CACNA2D3: variants seen among roughly 807,000 people sequenced by gnomAD.
CACNA2D3 encodes voltage-dependent calcium channel subunit alpha-2/delta-3.
Under a neutral mutation model 160.6 loss-of-function variants are expected in CACNA2D3, and 60 were observed. The observed-to-expected ratio is 0.37, with a 90% confidence interval of 0.30 to 0.46. The LOEUF is 0.46. CACNA2D3 is among the 20% of genes least tolerant of loss of function. The pLI is 1.00. For synonymous variants in CACNA2D3, 558 were observed against 492.9 expected, an observed-to-expected ratio of 1.13 and a Z score of -1.75; for missense variants, 1,205 against 1,365.0, an observed-to-expected ratio of 0.88 and a Z score of 1.85.
chr3:54,337,697 A>G (rs1348647074), intron 3 of CACNA2D3, among the ~76,000 whole-genome samples: 2 of 151,912 alleles, frequency 1.3e-5, no homozygotes, highest in African/African-American at 4.8e-5. Context: ...TCTTTCCGCC[A>G]TTCCCTCCTC....
intron 27 of CACNA2D3, among the ~76,000 whole-genome samples, chr3:54,950,145 G>T (rs1701721663): frequency 6.6e-6 from 1 of 152,244 alleles, no homozygotes; most frequent in Non-Finnish European, 1.5e-5. Context: ...TAAGTGAAAA[G>T]TAGGGAACTG....
chr3:54,524,618 T>G (rs769549639), intron 5 of CACNA2D3, among the ~76,000 whole-genome samples: 2 of 152,128 alleles, frequency 1.3e-5, no homozygotes, highest in Non-Finnish European at 1.5e-5. Context: ...AATTGTCTAT[T>G]TCTTTTTTCA....
chr3:54,455,252 A>G (rs1200774542), intron 4 of CACNA2D3, among the ~76,000 whole-genome samples: 2 of 151,764 alleles, frequency 1.3e-5, no homozygotes, highest in Non-Finnish European at 2.9e-5. Flanking sequence ...CTCCTCACCA[A>G]CATTTGCTTT....
chr3:54,404,224 A>G (rs1355200704), intron 4 of CACNA2D3, among the ~76,000 whole-genome samples: 1 of 152,208 alleles, frequency 6.6e-6, no homozygotes. Context: ...TCTCTGATGA[A>G]TATTGATGTA....
At chr3:55,015,441 C>A (rs1703308042) in intron 34 of CACNA2D3, among the ~76,000 whole-genome samples, 1 of 152,316 alleles carries the variant, frequency 6.6e-6, no homozygotes, top group African/African-American at 2.4e-5. Flanking sequence ...TTAAGCAGGA[C>A]AGCATCTGGA....
chr3:54,993,387 T>TTAC (rs1702784233), intron 31 of CACNA2D3, among the ~76,000 whole-genome samples: 2 of 152,186 alleles, frequency 1.3e-5, no homozygotes, highest in Admixed American at 6.5e-5. Flanking sequence ...CTTCCCCTTG[T>TTAC]AAGTAATGTA....
At chr3:54,416,013 A>T (rs530774980) in intron 4 of CACNA2D3, among the ~76,000 whole-genome samples, 1 of 152,262 alleles carries the variant, frequency 6.6e-6, no homozygotes, top group African/African-American at 2.4e-5. Context: ...CGTGAAACCC[A>T]AAAAAACCCC....
intron 13 of CACNA2D3, among the ~76,000 whole-genome samples, chr3:54,770,093 C>T (rs913244349): frequency 7.2e-5 from 11 of 152,264 alleles, no homozygotes; most frequent in East Asian, 1.9e-4. Flanking sequence ...TACTTGCTGC[C>T]GACACTTGCG....
intron 8 of CACNA2D3, 101 bp downstream of exon 8, chr3:54,570,205 A>C: frequency 1.7e-6 from 2 of 1,188,240 alleles, no homozygotes. Flanking sequence ...GAGCATCTAG[A>C]TGCCAGAACA....
intron 2 of CACNA2D3, among the ~76,000 whole-genome samples, chr3:54,283,586 G>A (rs571888120): frequency 4.3e-4 from 66 of 152,320 alleles, no homozygotes; most frequent in South Asian, 1.2e-3. Flanking sequence ...TTTCATTGTA[G>A]TGTGATATTC....
rs376259924 is a variant in CACNA2D3, at chr3:54,901,681, A to G, written c.2449+1813A>G. Among the ~76,000 whole-genome samples, 18 of 152,302 alleles carry G rather than the reference A, an allele frequency of 1.2e-4. 1 individual carries two copies. In the East Asian group the frequency reaches 1.5e-3, roughly 13 times the overall value. On this transcript the variant is annotated intron_variant, in intron 27 of 37. Coordinates refer to ENST00000474759, the MANE Select transcript of CACNA2D3 (RefSeq NM_018398.3). Reference sequence around the variant, plus strand: ...AATTACAGAGCAAGGCCAAGAAGCAAGGTCATTTAAAGAACCGTATTTAGT... The same window carrying G: ...AATTACAGAGCAAGGCCAAGAAGCAGGGTCATTTAAAGAACCGTATTTAGT...
At chr3:54,743,678 C>T (rs550518657) in intron 11 of CACNA2D3, among the ~76,000 whole-genome samples, 6 of 152,300 alleles carry the variant, frequency 3.9e-5, no homozygotes, top group African/African-American at 1.4e-4. Context: ...GTTAGTTTGA[C>T]TTTTTGTTCA....
chr3:54,589,885 A>G (rs1380775408), intron 9 of CACNA2D3, among the ~76,000 whole-genome samples: 1 of 152,228 alleles, frequency 6.6e-6, no homozygotes, highest in Non-Finnish European at 1.5e-5. Context: ...TAGAATAAAA[A>G]ATAAAAAGAA....
At chr3:54,384,131 CT>C (rs1209718724) in intron 3 of CACNA2D3, among the ~76,000 whole-genome samples, 1 of 151,922 alleles carries the variant, frequency 6.6e-6, no homozygotes, top group Non-Finnish European at 1.5e-5. Flanking sequence ...CAATTCTTTA[CT>C]TTTTTTCAGT....
chr3:55,073,921 T>TGGTCAA (rs1704880990), intron 37 of CACNA2D3, 62 bp downstream of exon 37: 2 of 1,364,324 alleles, frequency 1.5e-6, no homozygotes, highest in Admixed American at 3.6e-5. Context: ...AGTCTCACAC[T>TGGTCAA]GGTCAAAGAA....
intron 11 of CACNA2D3, among the ~76,000 whole-genome samples, chr3:54,726,792 A>G (rs1365420467): frequency 6.6e-6 from 1 of 152,180 alleles, no homozygotes; most frequent in Non-Finnish European, 1.5e-5. Flanking sequence ...TAAACGTAAA[A>G]CCTAGAACCA....
At chr3:54,812,603 C>T (rs1012748028) in intron 13 of CACNA2D3, among the ~76,000 whole-genome samples, 1 of 152,158 alleles carries the variant, frequency 6.6e-6, no homozygotes, top group Admixed American at 6.5e-5. Context: ...CATAAGGAGT[C>T]GTGCCAGGAT....
Position 54,770,102 on chromosome 3 carries a change from C to A in CACNA2D3, c.1380+5751C>A, listed in dbSNP as rs77441399. ...CGAAAATACTTGCTGCCGACACTTG[C>A]GGCTGCAGCTGTTAACCCGAGATAA... On this transcript the variant is annotated intron_variant, in intron 13 of 37. Coordinates refer to ENST00000474759, the MANE Select transcript of CACNA2D3 (RefSeq NM_018398.3). 5.6e-3 allele frequency among the ~76,000 whole-genome samples: 850 copies of A among 152,326 alleles called. 7 individuals are homozygous for A. The highest frequency in any genetic ancestry group is 0.019 in the African/African-American group (800 of 41,568).
At chr3:54,444,875 TAAAC>T (rs1372753899) in intron 4 of CACNA2D3, among the ~76,000 whole-genome samples, 1 of 152,262 alleles carries the variant, frequency 6.6e-6, no homozygotes, top group Admixed American at 6.5e-5. Flanking sequence ...GCTTTAGAGA[TAAAC>T]ATCCGCTTTC....
Sources: allele counts gnomAD v4.1 joint callset (sites outside exome capture counted in the v4.1 genomes callset), GRCh38; gene constraint gnomAD v4.1.1; transcripts MANE v1.5; gene names NCBI Gene and HGNC (gene_info 2026-07-23, HGNC 2026-07-21).